The following MARCHF7 variants were observed in gnomAD, a reference collection of about 807,000 sequenced individuals.
The protein encoded by MARCHF7 is E3 ubiquitin-protein ligase MARCHF7.
MARCHF7 carries 20 observed loss-of-function variants against 76.5 expected under a neutral mutation model. That is an observed-to-expected ratio of 0.26 (90% CI 0.18 to 0.38). The LOEUF (loss-of-function observed/expected upper bound fraction) is 0.38, where lower values mean the gene tolerates loss of function less well. MARCHF7 is among the 10% of genes least tolerant of loss of function. The probability of loss-of-function intolerance (pLI) is 1.00; values close to 1 mark genes in which losing one functional copy is unlikely to be tolerated. For synonymous variants in MARCHF7, 295 were observed against 293.0 expected (o/e 1.01, Z -0.07); for missense variants, 797 against 812.9 (o/e 0.98, Z 0.24).
intron 8 of MARCHF7, among the ~76,000 whole-genome samples, 156 bp downstream of exon 8, chr2:159,752,727 TTC>T (rs1705802645): frequency 6.6e-6 from 1 of 152,244 alleles, no homozygotes; most frequent in African/African-American, 2.4e-5. Context: ...GCATTAGTGT[TTC>T]TTTGTAAATT....
At chr2:159,726,103 G>A (rs1702128345) in intron 3 of MARCHF7, among the ~76,000 whole-genome samples, 1 of 152,120 alleles carries the variant, frequency 6.6e-6, no homozygotes, top group Admixed American at 6.5e-5. Flanking sequence ...ATGGGGGGTG[G>A]TAGGGACACA....
At position 159,752,532 on chromosome 2, in the gene MARCHF7, G is replaced by A; in HGVS notation, c.1744G>A (p.Asp582Asn). ...AGGAAGTTTGCAGTATGTCCACCAA[G>A]ACTGTATGAAAAAGTGGTTACAGGC... is the stretch of plus-strand genomic sequence containing the variant. ...CTGSLQYVHQDCMKKWLQAKI... is the reference protein window; with the variant it reads ...CTGSLQYVHQNCMKKWLQAKI... The change falls in exon 8 of 12, where the codon GAC (aspartate) becomes AAC (asparagine). Residue 582 changes from aspartate to asparagine, a missense_variant. Physicochemically the swap from Asp to Asn is conservative, Grantham distance 23. Coordinates refer to ENST00000409175, the MANE Select transcript of MARCHF7 (RefSeq NM_001282805.2). The A allele has an allele frequency of 6.4e-7, 1 of 1,563,504 alleles. No homozygotes were observed. Among genetic ancestry groups the A allele is most frequent in the Non-Finnish European group, 8.6e-7 (1 of 1,157,392 alleles).
rs1708095792 is a variant in MARCHF7, at chr2:159,770,273, CAGAAATGTAA to C, written c.*2934_*2943del. On this transcript the variant is annotated 3_prime_UTR_variant, in exon 12 of 12. Transcript: ENST00000409175. The stretch of plus-strand genomic sequence containing the variant: ...ACATCTCAATCACTATACAAAATCT[CAGAAATGTAA>C]AGCTCTTACAGAGCATGCTTGTGCT... 6.6e-6 allele frequency: 1 copy of C among 152,132 alleles called. No homozygotes were observed. The highest frequency in any genetic ancestry group is 1.5e-5 in the Non-Finnish European group (1 of 68,020). The allele number at this position is 152,132 out of a possible 1,614,324, so 9.4% of individuals were successfully genotyped here. A position where few individuals can be genotyped will look rare whatever the true frequency, so the allele number is the denominator to read the frequency against.
intron 4 of MARCHF7, among the ~76,000 whole-genome samples, chr2:159,731,187 C>T (rs1004656787): frequency 1.3e-5 from 2 of 152,190 alleles, no homozygotes; most frequent in Non-Finnish European, 2.9e-5. Flanking sequence ...GCCACTGCAC[C>T]TGGCCGACAT....
intron 3 of MARCHF7, among the ~76,000 whole-genome samples, chr2:159,719,089 C>G (rs1701344504): frequency 6.6e-6 from 1 of 152,188 alleles, no homozygotes; most frequent in Non-Finnish European, 1.5e-5. Context: ...AATTCTCCTA[C>G]CTCAGTTTCC....
At chr2:159,730,015 G>A (rs1702594240) in intron 4 of MARCHF7, among the ~76,000 whole-genome samples, 3 of 152,168 alleles carry the variant, frequency 2.0e-5, no homozygotes, top group African/African-American at 7.2e-5. Flanking sequence ...TGAGTAATGA[G>A]TTTGTATTGG....
At chr2:159,751,814 G>A (rs886326125) in intron 7 of MARCHF7, among the ~76,000 whole-genome samples, 2 of 152,296 alleles carry the variant, frequency 1.3e-5, no homozygotes, top group Middle Eastern at 3.4e-3. Context: ...TTGCTGCGCC[G>A]AGGGGGCAGA....
intron 4 of MARCHF7, among the ~76,000 whole-genome samples, chr2:159,729,840 A>G (rs1702576078): frequency 6.6e-6 from 1 of 152,220 alleles, no homozygotes; most frequent in African/African-American, 2.4e-5. Flanking sequence ...TTCTCTGCAT[A>G]TACACAAAGC....
chr2:159,764,363 G>A (rs1707509611), intron 10 of MARCHF7, among the ~76,000 whole-genome samples: 1 of 151,560 alleles, frequency 6.6e-6, no homozygotes, highest in Non-Finnish European at 1.5e-5. Context: ...TTTATAAGAA[G>A]ACAATATCAT....
intron 9 of MARCHF7, among the ~76,000 whole-genome samples, chr2:159,759,625 A>G (rs1427065647): frequency 1.3e-5 from 2 of 152,118 alleles, no homozygotes; most frequent in East Asian, 3.8e-4. Context: ...TAGAATGAAG[A>G]GCTCAATAAT....
At chr2:159,726,780 C>G (rs1440924698) in intron 3 of MARCHF7, among the ~76,000 whole-genome samples, 3 of 152,166 alleles carry the variant, frequency 2.0e-5, no homozygotes. Flanking sequence ...ACCAAAATTT[C>G]ATACTCATTA....
At chr2:159,716,121 A>C (rs981793060) in intron 3 of MARCHF7, among the ~76,000 whole-genome samples, 3 of 149,614 alleles carry the variant, frequency 2.0e-5, no homozygotes, top group African/African-American at 7.7e-5. Context: ...TGTCAGCTAA[A>C]AGTTAGTTAA....
chr2:159,712,664 A>T (rs1158275213), intron 1 of MARCHF7, 58 bp downstream of exon 1: 1 of 152,250 alleles, frequency 6.6e-6, no homozygotes, highest in Non-Finnish European at 1.5e-5. Context: ...GAGCCGGGGT[A>T]ATGAGCTGCG....
intron 3 of MARCHF7, among the ~76,000 whole-genome samples, chr2:159,722,645 A>G (rs1447588663): frequency 6.6e-6 from 1 of 152,252 alleles, no homozygotes; most frequent in Non-Finnish European, 1.5e-5. Flanking sequence ...ACTTGAAAAG[A>G]TGTCTCTTAG....
intron 9 of MARCHF7, among the ~76,000 whole-genome samples, chr2:159,760,708 C>CTTTTTTTTTTTTTTTTTTTTTT (rs34933843): frequency 6.8e-6 from 1 of 147,444 alleles, no homozygotes; most frequent in African/African-American, 2.5e-5. Flanking sequence ...CAGTTTTTTC[C>CTTTTTTTTTTTTTTTTTTTTTT]TTTTTTGTTT....
chr2:159,759,374 A>C, intron 9 of MARCHF7, 39 bp downstream of exon 9: 1 of 1,064,636 alleles, frequency 9.4e-7, no homozygotes, highest in Non-Finnish European at 1.4e-6. Context: ...TGTCTATTCT[A>C]TGCTTCAAGG....
At chr2:159,765,907 C>A (rs1306386516) in intron 11 of MARCHF7, among the ~76,000 whole-genome samples, 4 of 152,004 alleles carry the variant, frequency 2.6e-5, no homozygotes, top group Non-Finnish European at 5.9e-5. Context: ...AAGGTCTCTT[C>A]TTTGTTTTTT....
Position 159,752,535 on chromosome 2 carries a change from T to C in MARCHF7, c.1747T>C (p.Cys583Arg). Residue 583 changes from cysteine to arginine, a missense_variant, in exon 8 of 12, where the codon TGT becomes CGT. This residue lies in a region of MARCHF7 where 30 missense variants were observed against 60.1 expected (regional missense o/e 0.50). Coordinates refer to ENST00000409175, the MANE Select transcript of MARCHF7 (RefSeq NM_001282805.2). ...AAGTTTGCAGTATGTCCACCAAGAC[T>C]GTATGAAAAAGTGGTTACAGGCCAA... ...TGSLQYVHQD[C>R]MKKWLQAKIN... 1 of 1,551,848 alleles carries C rather than the reference T, an allele frequency of 6.4e-7. No individual in the cohort carries two copies. The highest frequency in any genetic ancestry group is 1.7e-4 in the Middle Eastern group (1 of 5,862).
At chr2:159,726,188 A>G (rs953027006) in intron 3 of MARCHF7, among the ~76,000 whole-genome samples, 1 of 152,116 alleles carries the variant, frequency 6.6e-6, no homozygotes, top group African/African-American at 2.4e-5. Context: ...CTGGGGAAGA[A>G]TCTGAAGCTC....
Sources: gnomAD v4.1 joint callset for allele counts (sites outside exome capture counted in the v4.1 genomes callset) on GRCh38, gnomAD v4.1.1 for gene constraint, gnomAD v4.1.1 regional missense constraint, MANE v1.5 for transcripts, NCBI Gene and HGNC (gene_info 2026-07-23, HGNC 2026-07-21) for gene names.